Variants in GPC6 observed in about 807,000 individuals in gnomAD.
GPC6 encodes the protein glypican-6.
GPC6 carries 14 observed loss-of-function variants against 55.2 expected under a neutral mutation model. That is an observed-to-expected ratio of 0.25 (90% confidence interval 0.17 to 0.40). The LOEUF is 0.40. Ranked by LOEUF, GPC6 falls within the 10% of genes least tolerant of loss-of-function variation. The pLI is 1.00. For missense variants in GPC6, 641 were observed against 708.5 expected (o/e 0.90, Z 1.08); for synonymous variants, 278 against 259.6 (o/e 1.07, Z -0.68).
rs1036816789 is a variant in GPC6 at position 94,373,330 on chromosome 13, A to T, written c.1153-9084A>T. On this transcript the variant is annotated intron_variant, in intron 6 of 8. Coordinates refer to ENST00000377047, the MANE Select transcript of GPC6 (RefSeq NM_005708.5). ...GAAAACTTTGAAAAAAATTTAGAAG[A>T]ATGTATAACTAGAATAACCAATACA... is the stretch of plus-strand genomic sequence containing the variant. 3.7e-3 allele frequency among the ~76,000 whole-genome samples: 568 copies of T among 151,992 alleles called. 2 individuals carry two copies. The highest frequency in any genetic ancestry group is 8.3e-3 in the Admixed American group (127 of 15,270).
intron 4 of GPC6, among the ~76,000 whole-genome samples, chr13:94,271,411 C>G (rs1227533568): frequency 6.6e-6 from 1 of 151,192 alleles, no homozygotes; most frequent in African/African-American, 2.4e-5. Context: ...CACACACACT[C>G]CATCATGCCC....
chr13:93,581,176 A>G (rs777112702), intron 2 of GPC6, among the ~76,000 whole-genome samples: 45 of 152,246 alleles, frequency 3.0e-4, no homozygotes, highest in Non-Finnish European at 5.4e-4. Context: ...TGTGAATGTC[A>G]TGCTTCATAT....
chr13:93,488,144 G>A (rs918165597), intron 1 of GPC6, among the ~76,000 whole-genome samples: 5 of 151,762 alleles, frequency 3.3e-5, no homozygotes, highest in African/African-American at 4.8e-5. Context: ...AACAGGCCCC[G>A]GTGTGTGATG....
chr13:94,221,447 T>C (rs1890380721), intron 4 of GPC6, among the ~76,000 whole-genome samples: 1 of 152,146 alleles, frequency 6.6e-6, no homozygotes, highest in Non-Finnish European at 1.5e-5. Flanking sequence ...AACTTATTTT[T>C]CATAGAAATT....
intron 3 of GPC6, among the ~76,000 whole-genome samples, chr13:94,023,504 G>T (rs539562720): frequency 6.6e-6 from 1 of 151,964 alleles, no homozygotes; most frequent in East Asian, 1.9e-4. Context: ...TAAAACTGGA[G>T]GTCTCACATA....
At chr13:94,359,066 T>C (rs1170797581) in intron 6 of GPC6, among the ~76,000 whole-genome samples, 2 of 152,180 alleles carry the variant, frequency 1.3e-5, no homozygotes, top group African/African-American at 4.8e-5. Context: ...AACTTACTGG[T>C]ATATCTCATT....
chr13:94,062,233 GT>G (rs143481488), intron 4 of GPC6, among the ~76,000 whole-genome samples: 5,020 of 151,206 alleles, frequency 0.033, 242 homozygotes, highest in African/African-American at 0.1. Context: ...CTACATTTCT[GT>G]TTTTTTTGTT....
chr13:94,027,735 C>A lies in GPC6; in HGVS notation c.718C>A (p.Pro240Thr), dbSNP rs1264948434. The A allele has an allele frequency of 6.2e-7, 1 of 1,613,846 alleles. No individual in the cohort carries two copies. The highest frequency in any genetic ancestry group is 8.5e-7 in the Non-Finnish European group (1 of 1,179,900). ...CTTTGCAATAAATCTGCAGGTCAGC[C>A]CAACCCCAGGGTGTATCCGTGCCCT... ...EVANRVSKVS[P>T]TPGCIRALMK... Residue 240 changes from proline (P) to threonine (T), a missense_variant, in exon 4 of 9, where the codon CCA becomes ACA. Pro to Thr is a conservative substitution (Grantham distance 38). Coordinates refer to ENST00000377047, the MANE Select transcript of GPC6 (RefSeq NM_005708.5).
chr13:94,106,346 T>A (rs1239155934), intron 4 of GPC6, among the ~76,000 whole-genome samples: 1 of 152,326 alleles, frequency 6.6e-6, no homozygotes, highest in East Asian at 1.9e-4. Flanking sequence ...GGTGACTTTT[T>A]TGAAAAAGTT....
chr13:93,690,816 G>T (rs1882231565), intron 2 of GPC6, among the ~76,000 whole-genome samples: 1 of 151,942 alleles, frequency 6.6e-6, no homozygotes, highest in South Asian at 2.1e-4. Context: ...TAATGAAGAG[G>T]TTATTTTATT....
At chr13:93,620,675 A>G (rs1269947218) in intron 2 of GPC6, among the ~76,000 whole-genome samples, 1 of 152,204 alleles carries the variant, frequency 6.6e-6, no homozygotes, top group Non-Finnish European at 1.5e-5. Context: ...AATTCTAAAA[A>G]TATGGTAGAT....
At chr13:93,279,937 T>C (rs1323973) in intron 1 of GPC6, among the ~76,000 whole-genome samples, 5,132 of 152,318 alleles carry the variant, frequency 0.034, 278 homozygotes, top group African/African-American at 0.12. Flanking sequence ...TTCACAATAA[T>C]AAACACACCC....
chr13:94,325,320 A>G lies in GPC6; in HGVS notation c.1152+19197A>G, dbSNP rs114123775. Among the ~76,000 whole-genome samples, 1,421 of 152,310 alleles carry G rather than the reference A, an allele frequency of 9.3e-3. 20 individuals carry two copies. The highest frequency in any genetic ancestry group is 0.033 in the African/African-American group (1,368 of 41,572). ...CATTTGTGCTCACTCCAAGGGGAGT[A>G]AAGAAAGGAACTTGGTGAAAGGCAG... On this transcript the variant is annotated intron_variant, in intron 6 of 8. Transcript: ENST00000377047.
chr13:93,324,591 T>C (rs868667092), intron 1 of GPC6, among the ~76,000 whole-genome samples: 80 of 118,858 alleles, frequency 6.7e-4, no homozygotes, highest in African/African-American at 2.7e-3. Flanking sequence ...TACATACATA[T>C]ATATATATAT....
At chr13:93,316,860 A>G (rs900987977) in intron 1 of GPC6, among the ~76,000 whole-genome samples, 2 of 152,024 alleles carry the variant, frequency 1.3e-5, no homozygotes, top group African/African-American at 4.8e-5. Context: ...GTTTTAATGT[A>G]TTTTGCTTTT....
chr13:93,725,794 T>C (rs1883615839), intron 2 of GPC6, among the ~76,000 whole-genome samples: 1 of 151,946 alleles, frequency 6.6e-6, no homozygotes, highest in Admixed American at 6.6e-5. Context: ...ATACCAAAAA[T>C]AAAAAGAAGA....
chr13:93,535,702 C>T (rs7337681), intron 1 of GPC6, among the ~76,000 whole-genome samples: 1 of 140,440 alleles, frequency 7.1e-6, no homozygotes, highest in Non-Finnish European at 1.5e-5. Context: ...AAAAAAAAAA[C>T]CAAGCAGAAC....
At chr13:94,003,281 G>C (rs1017984520) in intron 3 of GPC6, among the ~76,000 whole-genome samples, 10 of 152,144 alleles carry the variant, frequency 6.6e-5, no homozygotes, top group African/African-American at 2.4e-4. Flanking sequence ...TGTAAAAATT[G>C]AGCACATAGT....
At chr13:93,779,109 C>T (rs979744411) in intron 2 of GPC6, among the ~76,000 whole-genome samples, 1 of 152,106 alleles carries the variant, frequency 6.6e-6, no homozygotes, top group African/African-American at 2.4e-5. Context: ...TTTTCTGTCA[C>T]ACACTGCTTT....
Sources: gnomAD v4.1 joint callset for allele counts (sites outside exome capture counted in the v4.1 genomes callset) on GRCh38, gnomAD v4.1.1 for gene constraint, MANE v1.5 for transcripts, NCBI Gene and HGNC (gene_info 2026-07-23, HGNC 2026-07-21) for gene names.